Variants in AOX1 observed in about 807,000 individuals in gnomAD.
The protein encoded by AOX1 is aldehyde oxidase 1.
AOX1 carries 153 observed loss-of-function variants against 169.5 expected under a neutral mutation model. The ratio of observed to expected loss-of-function variants is 0.90; its 90% confidence interval spans 0.79 to 1.03. The LOEUF is 1.03. Among genes scored for constraint, AOX1 ranks in the 50% least tolerant of loss-of-function variants. The pLI is 0.00. For missense variants in AOX1, 1,656 were observed against 1,663.9 expected, an observed-to-expected ratio of 1.00 and a Z score of 0.08; for synonymous variants, 562 against 581.9, an observed-to-expected ratio of 0.97 and a Z score of 0.49.
intron 22 of AOX1, 96 bp from the exon 23 acceptor site, chr2:200,638,119 T>C (rs2035275077): frequency 8.6e-6 from 9 of 1,048,552 alleles, no homozygotes; most frequent in South Asian, 3.9e-5. Flanking sequence ...GTGAGGCGTG[T>C]AGGCTCCACT....
At chr2:200,645,671 T>C (rs1176941951) in intron 25 of AOX1, among the ~76,000 whole-genome samples, 2 of 152,190 alleles carry the variant, frequency 1.3e-5, no homozygotes, top group Non-Finnish European at 2.9e-5. Context: ...GAATGTCTGG[T>C]GGAATTCTGC....
chr2:200,610,299 T>C (rs2034608137), intron 12 of AOX1, among the ~76,000 whole-genome samples: 1 of 152,172 alleles, frequency 6.6e-6, no homozygotes, highest in Non-Finnish European at 1.5e-5. Flanking sequence ...CTCGAACTCC[T>C]GACCTCGGGT....
At chr2:200,620,973 A>G (rs1471351813) in intron 17 of AOX1, 147 bp from the exon 18 acceptor site, 4 of 1,316,244 alleles carry the variant, frequency 3.0e-6, no homozygotes, top group Non-Finnish European at 4.2e-6. Context: ...AGGATTTACT[A>G]CAACTTCGTT....
chr2:200,648,390 C>T (rs1339868381), intron 25 of AOX1, among the ~76,000 whole-genome samples: 2 of 152,216 alleles, frequency 1.3e-5, no homozygotes, highest in African/African-American at 4.8e-5. Context: ...CAAGTCTACC[C>T]AGCTCCCGGC....
intron 27 of AOX1, 46 bp from the exon 28 acceptor site, chr2:200,659,117 CTG>C (rs778719104): frequency 6.3e-7 from 1 of 1,599,220 alleles, no homozygotes; most frequent in Non-Finnish European, 8.5e-7. Context: ...GTGCACAGGT[CTG>C]TGACTAATCA....
At chr2:200,623,775 G>A (rs995458941) in intron 18 of AOX1, 86 bp from the exon 19 acceptor site, 81 of 1,580,894 alleles carry the variant, frequency 5.1e-5, no homozygotes, top group African/African-American at 4.2e-4. Context: ...TACTGTAATC[G>A]AGTACTAGGA....
intron 3 of AOX1, 96 bp downstream of exon 3, chr2:200,595,464 T>C (rs1483429851): frequency 9.8e-6 from 8 of 814,418 alleles, no homozygotes; most frequent in Admixed American, 7.9e-5. Context: ...GTACCTACCA[T>C]GTGAAAAGAA....
chr2:200,617,217 A>G (rs1422775764), intron 16 of AOX1, among the ~76,000 whole-genome samples: 1 of 152,260 alleles, frequency 6.6e-6, no homozygotes, highest in Non-Finnish European at 1.5e-5. Flanking sequence ...TCTGCCACAT[A>G]GATGAGTTTT....
chr2:200,612,756 A>G lies in AOX1; in HGVS notation c.1411A>G (p.Ile471Val), dbSNP rs763690832. The change falls in exon 14 of 35, where the codon ATC becomes GTC. Residue 471 changes from isoleucine (I) to valine (V), a missense_variant. Coordinates refer to ENST00000374700, the MANE Select transcript of AOX1 (RefSeq NM_001159.4). ...ATATGGAGGCGTTGGTCCAGCCACC[A>G]TCTGTGCCAAGAATTCCTGCCAGAA... is the stretch of plus-strand genomic sequence containing the variant. ...ISYGGVGPAT[I>V]CAKNSCQKLI... The G allele has an allele frequency of 6.2e-7, 1 of 1,613,972 alleles. No individual in the cohort carries two copies. The highest frequency in any genetic ancestry group is 1.7e-5 in the Admixed American group (1 of 60,002).
chr2:200,659,694 G>A (rs916917537), intron 28 of AOX1, among the ~76,000 whole-genome samples: 1 of 152,064 alleles, frequency 6.6e-6, no homozygotes, highest in African/African-American at 2.4e-5. Context: ...ATGTGGCCAT[G>A]CCATGTCTGA....
intron 33 of AOX1, among the ~76,000 whole-genome samples, chr2:200,669,118 G>A (rs941786431): frequency 1.3e-5 from 2 of 152,080 alleles, no homozygotes; most frequent in African/African-American, 4.8e-5. Context: ...TGGGAATATT[G>A]GATCAAAAGA....
intron 21 of AOX1, among the ~76,000 whole-genome samples, chr2:200,635,351 G>A (rs17448796): frequency 0.11 from 16,229 of 152,214 alleles, 1,120 homozygotes; most frequent in Non-Finnish European, 0.16. Flanking sequence ...AGAGAAGAAA[G>A]AGGAAGACCT....
At chr2:200,635,774 G>A (rs967618836) in intron 21 of AOX1, among the ~76,000 whole-genome samples, 11 of 152,152 alleles carry the variant, frequency 7.2e-5, no homozygotes, top group African/African-American at 2.7e-4. Flanking sequence ...TAAGCATCAG[G>A]GTGAGAGTAA....
At position 200,634,973 on chromosome 2, in the gene AOX1, T is replaced by C; in HGVS notation, c.2346+58T>C. 7 of 1,590,754 alleles carry C rather than the reference T, an allele frequency of 4.4e-6. No homozygotes were observed. In the South Asian group the frequency reaches 6.8e-5, roughly 16 times the overall value. ...TAAATGATTTCTGGCCAGTGAAATA[T>C]ATCAAGAGCAATTAGAGGTAAAAGT... On this transcript the variant is annotated intron_variant, in intron 21 of 34. Coordinates refer to ENST00000374700, the MANE Select transcript of AOX1 (RefSeq NM_001159.4).
downstream of AOX1, among the ~76,000 whole-genome samples, chr2:200,673,868 C>G (rs941586205): frequency 1.3e-5 from 2 of 152,180 alleles, no homozygotes; most frequent in African/African-American, 4.8e-5. Context: ...GGAGCCTTTG[C>G]CTGTGTCCTC....
chr2:200,666,862 T>C, intron 32 of AOX1, 110 bp downstream of exon 32: 1 of 701,880 alleles, frequency 1.4e-6, no homozygotes. Context: ...TTTCTAACCC[T>C]TTAGTCAACT....
intron 32 of AOX1, 82 bp downstream of exon 32, chr2:200,666,834 C>A: frequency 2.2e-6 from 2 of 911,200 alleles, no homozygotes; most frequent in South Asian, 1.6e-5. Context: ...TTCCATCAGT[C>A]TTATTCATCA....
intron 16 of AOX1, among the ~76,000 whole-genome samples, chr2:200,616,322 A>T (rs2034757888): frequency 6.6e-6 from 1 of 152,266 alleles, no homozygotes; most frequent in Non-Finnish European, 1.5e-5. Context: ...GTGGCCTTGT[A>T]CCACAGACAC....
downstream of AOX1, among the ~76,000 whole-genome samples, chr2:200,679,948 G>T (rs1307789654): frequency 6.6e-6 from 1 of 152,164 alleles, no homozygotes; most frequent in African/African-American, 2.4e-5. Flanking sequence ...GGGCATAGTG[G>T]TGTGTGCCTG....
Sources: allele counts gnomAD v4.1 joint callset (sites outside exome capture counted in the v4.1 genomes callset), GRCh38; gene constraint gnomAD v4.1.1; transcripts MANE v1.5; gene names NCBI Gene and HGNC (gene_info 2026-07-23, HGNC 2026-07-21).